DPH6: variants seen among roughly 807,000 people sequenced by gnomAD.
DPH6 encodes the protein diphthine--ammonia ligase.
A neutral mutation model predicts 38.2 loss-of-function variants in DPH6; 33 were observed. The ratio of observed to expected loss-of-function variants is 0.86; its 90% CI spans 0.65 to 1.15. DPH6 has a LOEUF of 1.15. Among genes scored for constraint, DPH6 ranks in the 50% most tolerant of loss-of-function variants. DPH6 has a pLI of 0.00. For missense variants in DPH6, 325 were observed against 320.0 expected, an observed-to-expected ratio of 1.02 and a Z score of -0.12; for synonymous variants, 108 against 103.0, an observed-to-expected ratio of 1.05 and a Z score of -0.30.
At chr15:35,280,719 G>C (rs1217136885) in intron 3 of DPH6, among the ~76,000 whole-genome samples, 2 of 151,978 alleles carry the variant, frequency 1.3e-5, no homozygotes, top group African/African-American at 4.8e-5. Flanking sequence ...TTATTAAGTA[G>C]GTAAGGTAAA....
the DPH6 span, among the ~76,000 whole-genome samples, chr15:35,196,871 T>C: frequency 6.6e-6 from 1 of 152,218 alleles, no homozygotes; most frequent in Non-Finnish European, 1.5e-5. Context: ...TCAAAACTAT[T>C]ACCATGTTTA....
intron 6 of DPH6, among the ~76,000 whole-genome samples, chr15:35,382,756 A>G (rs982882832): frequency 1.3e-5 from 2 of 152,178 alleles, no homozygotes; most frequent in African/African-American, 4.8e-5. Context: ...GAGAACTAGT[A>G]AAGTTCCAAA....
chr15:35,332,614 C>T (rs73376705), intron 3 of DPH6, among the ~76,000 whole-genome samples: 4,562 of 152,146 alleles, frequency 0.03, 232 homozygotes, highest in African/African-American at 0.1. Flanking sequence ...TCCCACTCTG[C>T]AACTTACCAG....
intron 3 of DPH6, among the ~76,000 whole-genome samples, chr15:35,459,307 G>C (rs1263083870): frequency 6.6e-6 from 1 of 152,152 alleles, no homozygotes; most frequent in African/African-American, 2.4e-5. Flanking sequence ...GGGTGGCAGG[G>C]AGAAAGTGCA....
In DPH6 at chr15:35,237,595, C is replaced by T. The variant is rs965868699; in HGVS notation, n.201-17013G>A. On this transcript the variant is annotated intron_variant and non_coding_transcript_variant, in intron 3 of 3. Transcript: ENST00000560386. ...CATTGGCAGAAAAGTGTCCGAACCTCACGCATCTAAATTTATGTGGCAACA... is the reference window on the plus strand; with the variant it reads ...CATTGGCAGAAAAGTGTCCGAACCTTACGCATCTAAATTTATGTGGCAACA... 106 of 1,593,276 alleles carry T rather than the reference C, an allele frequency of 6.7e-5. No homozygotes were observed. In the Middle Eastern group the frequency reaches 1.8e-3, roughly 27 times the overall value.
the DPH6 span, among the ~76,000 whole-genome samples, chr15:35,191,223 A>G: frequency 2.6e-5 from 4 of 152,238 alleles, no homozygotes; most frequent in Non-Finnish European, 5.9e-5. Flanking sequence ...AAACTGACAC[A>G]TACTTCGAGG....
intron 3 of DPH6, among the ~76,000 whole-genome samples, chr15:35,272,551 T>C (rs1279768991): frequency 6.6e-6 from 1 of 151,990 alleles, no homozygotes; most frequent in Admixed American, 6.5e-5. Flanking sequence ...CCCTCATGAA[T>C]AGCTTGGAAC....
chr15:35,340,834 A>T (rs111895316), intron 3 of DPH6, among the ~76,000 whole-genome samples: 66 of 152,152 alleles, frequency 4.3e-4, no homozygotes, highest in Middle Eastern at 3.4e-3. Context: ...TTGAACTTCA[A>T]GAATCTGATG....
the DPH6 span, among the ~76,000 whole-genome samples, chr15:35,145,221 C>T: frequency 4.6e-5 from 7 of 152,174 alleles, no homozygotes; most frequent in African/African-American, 1.2e-4. Flanking sequence ...TTTTACATTA[C>T]GATGAATTTC....
intron 3 of DPH6, among the ~76,000 whole-genome samples, chr15:35,325,379 T>C (rs2052273962): frequency 6.6e-6 from 1 of 152,100 alleles, no homozygotes; most frequent in South Asian, 2.1e-4. Flanking sequence ...AAATAGACAA[T>C]TAGACCAAGG....
chr15:35,329,919 T>C (rs181398632), downstream of DPH6, among the ~76,000 whole-genome samples: 19 of 152,282 alleles, frequency 1.2e-4, no homozygotes, highest in Admixed American at 1.0e-3. Flanking sequence ...CCATCATTTC[T>C]ATTTTAACTT....
At chr15:35,353,213 C>A (rs976685351) in intron 3 of DPH6, among the ~76,000 whole-genome samples, 1 of 152,040 alleles carries the variant, frequency 6.6e-6, no homozygotes, top group African/African-American at 2.4e-5. Flanking sequence ...CAAAAATTTT[C>A]TCCCATTCTG....
intron 3 of DPH6, among the ~76,000 whole-genome samples, chr15:35,365,051 T>C (rs961196152): frequency 2.0e-5 from 3 of 152,100 alleles, no homozygotes; most frequent in Admixed American, 1.3e-4. Context: ...CTACAAGATA[T>C]TGGAAAGACC....
At chr15:35,363,735 A>C (rs1341198950) in intron 3 of DPH6, among the ~76,000 whole-genome samples, 1 of 151,660 alleles carries the variant, frequency 6.6e-6, no homozygotes, top group Non-Finnish European at 1.5e-5. Context: ...TTGCCTTTTA[A>C]AAATTATTTT....
chr15:35,443,052 A>G (rs963494743), intron 5 of DPH6, among the ~76,000 whole-genome samples: 1 of 152,216 alleles, frequency 6.6e-6, no homozygotes, highest in African/African-American at 2.4e-5. Context: ...ACATTTCCAT[A>G]AAACTTAAAA....
Position 35,512,423 on chromosome 15 carries a change from T to C in DPH6, c.312+25851A>G, listed in dbSNP as rs566443755. Among the ~76,000 whole-genome samples, 337 of 152,254 alleles carry C rather than the reference T, an allele frequency of 2.2e-3. 1 individual carries two copies. The highest frequency in any genetic ancestry group is 4.1e-3 in the Non-Finnish European group (282 of 67,992). ...AATAACATCTATGAATGTCTATACCTATATCTGTGTTCATCCACATGGCAC... is the reference window on the plus strand; with the variant it reads ...AATAACATCTATGAATGTCTATACCCATATCTGTGTTCATCCACATGGCAC... On this transcript the variant is annotated intron_variant, in intron 3 of 8. Coordinates refer to ENST00000256538, the MANE Select transcript of DPH6 (RefSeq NM_080650.4).
chr15:35,335,298 G>A (rs1295152775), intron 3 of DPH6, among the ~76,000 whole-genome samples: 1 of 152,120 alleles, frequency 6.6e-6, no homozygotes, highest in African/African-American at 2.4e-5. Flanking sequence ...TTAGGCCTTT[G>A]CCAGATGAAA....
At chr15:35,418,290 A>C (rs1595546181) in intron 5 of DPH6, among the ~76,000 whole-genome samples, 1 of 152,204 alleles carries the variant, frequency 6.6e-6, no homozygotes, top group East Asian at 1.9e-4. Flanking sequence ...AGAAATATCA[A>C]TATTAATGAA....
chr15:35,177,922 A>G, the DPH6 span, among the ~76,000 whole-genome samples: 2 of 150,800 alleles, frequency 1.3e-5, no homozygotes, highest in African/African-American at 2.4e-5. Flanking sequence ...AGCCTGGACA[A>G]CAAGAGCAAA....
Sources: allele counts gnomAD v4.1 joint callset (sites outside exome capture counted in the v4.1 genomes callset), GRCh38; gene constraint gnomAD v4.1.1; transcripts MANE v1.5; gene names NCBI Gene and HGNC (gene_info 2026-07-23, HGNC 2026-07-21).